The following KCNMA1 variants were observed in gnomAD, a reference collection of about 807,000 sequenced individuals.
The protein encoded by KCNMA1 is Calcium-activated potassium channel subunit alpha-1.
In KCNMA1, 29 loss-of-function variants were observed where a neutral mutation model predicts 140.0. The observed-to-expected ratio is 0.21, with a 90% CI of 0.15 to 0.28. The LOEUF is 0.28. Ranked by LOEUF, KCNMA1 falls within the 10% of genes least tolerant of loss-of-function variation. The pLI, the probability that KCNMA1 is intolerant of heterozygous loss-of-function variation, is 1.00. For synonymous variants in KCNMA1, 612 were observed against 611.9 expected (o/e 1.00, Z 0.00); for missense variants, 880 against 1,602.2 (o/e 0.55, Z 7.70).
intron 2 of KCNMA1, among the ~76,000 whole-genome samples, chr10:77,260,956 G>A (rs1266939968): frequency 6.6e-6 from 1 of 152,182 alleles, no homozygotes; most frequent in African/African-American, 2.4e-5. Context: ...CCAATAATAA[G>A]TGAATATATT....
chr10:76,954,513 C>G lies in KCNMA1; in HGVS notation c.2361-589G>C, dbSNP rs187582654. On this transcript the variant is annotated intron_variant, in intron 20 of 27. Transcript: ENST00000286628. Reference sequence around the variant, plus strand: ...GCAATTTGCCCAATCAGATTTTGCTCTCCCTGGCTGAAGCCTTTAAAGATT... The same window carrying G: ...GCAATTTGCCCAATCAGATTTTGCTGTCCCTGGCTGAAGCCTTTAAAGATT... Among the ~76,000 whole-genome samples the G allele has an allele frequency of 1.2e-4, 18 of 152,348 alleles. No homozygotes were observed. The East Asian group carries it at 2.7e-3, about 23-fold the overall frequency.
In KCNMA1 at chr10:77,181,880, T is replaced by C. The variant is rs1419401650; in HGVS notation, c.808+1541A>G. ...GAATATAATTCTAATGAGAAAACTG[T>C]AGCAAAAGAAATCTTTTTAGGATAT... On this transcript the variant is annotated intron_variant, in intron 5 of 27. Transcript: ENST00000286628. 5.3e-5 allele frequency among the ~76,000 whole-genome samples: 8 copies of C among 152,272 alleles called. No individual in the cohort carries two copies. The East Asian group carries it at 1.5e-3, about 29-fold the overall frequency.
intron 1 of KCNMA1, among the ~76,000 whole-genome samples, chr10:77,440,883 A>C (rs2097382343): frequency 6.6e-6 from 1 of 152,174 alleles, no homozygotes; most frequent in Non-Finnish European, 1.5e-5. Flanking sequence ...CAGTGGCACG[A>C]TCTTGGCTCA....
intron 23 of KCNMA1, among the ~76,000 whole-genome samples, chr10:76,915,421 G>A (rs556683745): frequency 9.9e-5 from 15 of 152,238 alleles, no homozygotes; most frequent in African/African-American, 3.1e-4. Context: ...AAAGTGAGCA[G>A]AGCAGTGCAT....
chr10:77,468,725 T>C (rs992531115), intron 1 of KCNMA1, among the ~76,000 whole-genome samples: 1 of 152,192 alleles, frequency 6.6e-6, no homozygotes, highest in African/African-American at 2.4e-5. Context: ...ACCTGGCCTG[T>C]AGTACTTTGT....
intron 3 of KCNMA1, among the ~76,000 whole-genome samples, chr10:77,196,852 T>C (rs2154146736): frequency 6.6e-6 from 1 of 152,244 alleles, no homozygotes; most frequent in East Asian, 1.9e-4. Flanking sequence ...CCAAGGCATG[T>C]CTAAAATGCA....
intron 18 of KCNMA1, among the ~76,000 whole-genome samples, chr10:77,003,739 C>A (rs1305979461): frequency 6.6e-6 from 1 of 152,078 alleles, no homozygotes; most frequent in East Asian, 1.9e-4. Flanking sequence ...GGTTTATGTA[C>A]AATAATAGAA....
At chr10:77,325,729 T>A (rs770637515) in intron 2 of KCNMA1, among the ~76,000 whole-genome samples, 2 of 152,184 alleles carry the variant, frequency 1.3e-5, no homozygotes, top group Non-Finnish European at 2.9e-5. Context: ...GCTGGGGGGC[T>A]TTGCTGTGCT....
chr10:77,039,198 C>A, intron 15 of KCNMA1: 1 of 382,524 alleles, frequency 2.6e-6, no homozygotes, highest in Non-Finnish European at 4.9e-6. Context: ...CTCTTAGAAT[C>A]AGACAGGCAG....
At chr10:77,124,049 C>T (rs1353631021) in intron 5 of KCNMA1, among the ~76,000 whole-genome samples, 1 of 152,178 alleles carries the variant, frequency 6.6e-6, no homozygotes, top group Non-Finnish European at 1.5e-5. Context: ...TTTCAGACTA[C>T]GGTTGCCTGG....
chr10:76,926,970 A>G (rs2057894940), intron 23 of KCNMA1, among the ~76,000 whole-genome samples: 1 of 152,150 alleles, frequency 6.6e-6, no homozygotes, highest in South Asian at 2.1e-4. Flanking sequence ...CCATTTGCTA[A>G]CAGTCAAATC....
At chr10:77,152,472 A>G (rs1180739392) in intron 5 of KCNMA1, among the ~76,000 whole-genome samples, 1 of 152,168 alleles carries the variant, frequency 6.6e-6, no homozygotes, top group Non-Finnish European at 1.5e-5. Flanking sequence ...GAAAGCATCC[A>G]TAAAGAGTTT....
At chr10:77,518,894 C>T (rs1338880898) in intron 1 of KCNMA1, among the ~76,000 whole-genome samples, 2 of 152,176 alleles carry the variant, frequency 1.3e-5, no homozygotes, top group Non-Finnish European at 2.9e-5. Flanking sequence ...TATGAATGCA[C>T]GCTTGGAGAA....
intron 1 of KCNMA1, among the ~76,000 whole-genome samples, chr10:77,633,120 T>A (rs769904987): frequency 6.6e-6 from 1 of 152,054 alleles, no homozygotes; most frequent in East Asian, 1.9e-4. Context: ...ATCAAGACAA[T>A]CCTGGCCAAT....
At chr10:77,556,348 T>C (rs764954174) in intron 1 of KCNMA1, among the ~76,000 whole-genome samples, 5 of 151,124 alleles carry the variant, frequency 3.3e-5, no homozygotes, top group Non-Finnish European at 7.4e-5. Flanking sequence ...CTGCTGAAAA[T>C]ACAAAAACTA....
intron 23 of KCNMA1, among the ~76,000 whole-genome samples, chr10:76,927,374 G>A (rs534651841): frequency 7.2e-4 from 110 of 152,242 alleles, no homozygotes; most frequent in African/African-American, 2.5e-3. Context: ...TTAGGCCCCT[G>A]AGGCCTGCAG....
intron 1 of KCNMA1, among the ~76,000 whole-genome samples, chr10:77,427,700 A>G (rs998179215): frequency 6.6e-6 from 1 of 150,726 alleles, no homozygotes; most frequent in Admixed American, 6.6e-5. Context: ...AAGTCATCCA[A>G]TCCTGAGCAT....
chr10:77,405,904 G>A (rs667808), intron 1 of KCNMA1, among the ~76,000 whole-genome samples: 93,115 of 152,042 alleles, frequency 0.61, 28,480 homozygotes, highest in East Asian at 0.63. Context: ...ACTTGGCCAC[G>A]GCAGGCAGGA....
chr10:77,480,019 G>T (rs1386865815), intron 1 of KCNMA1, among the ~76,000 whole-genome samples: 1 of 152,192 alleles, frequency 6.6e-6, no homozygotes, highest in African/African-American at 2.4e-5. Flanking sequence ...TTATTGGATT[G>T]AATAGGTTAA....
Sources: allele counts gnomAD v4.1 joint callset (sites outside exome capture counted in the v4.1 genomes callset), GRCh38; gene constraint gnomAD v4.1.1; transcripts MANE v1.5; gene names NCBI Gene and HGNC (gene_info 2026-07-23, HGNC 2026-07-21).